The following UFSP2 variants were observed in gnomAD, a reference collection of about 807,000 sequenced individuals.
The protein encoded by UFSP2 is UFM1 specific peptidase 2.
UFSP2 carries 43 observed loss-of-function variants against 60.2 expected under a neutral mutation model. That is an observed-to-expected ratio of 0.71 (90% CI 0.56 to 0.92). The LOEUF (loss-of-function observed/expected upper bound fraction) is 0.92. Ranked by LOEUF, UFSP2 falls within the 40% of genes least tolerant of loss-of-function variation. The pLI, the probability that UFSP2 is intolerant of heterozygous loss-of-function variation, is 0.00. For missense variants in UFSP2, 520 were observed against 575.0 expected (o/e 0.90, Z 0.98); for synonymous variants, 183 against 195.1 (o/e 0.94, Z 0.52).
At chr4:185,405,682 T>A in intron 10 of UFSP2, 98 bp downstream of exon 10, 1 of 1,392,634 alleles carries the variant, frequency 7.2e-7, no homozygotes, top group South Asian at 1.3e-5. Flanking sequence ...TTTCAAAATT[T>A]TTTAAATGAC....
At chr4:185,422,348 T>A (rs1379661082) in intron 2 of UFSP2, 137 bp downstream of exon 2, 2 of 682,808 alleles carry the variant, frequency 2.9e-6, no homozygotes, top group African/African-American at 3.7e-5. Flanking sequence ...TAAGTGTAAG[T>A]CCCATTTAAT....
intron 1 of UFSP2, among the ~76,000 whole-genome samples, chr4:185,424,987 T>G (rs1163278189): frequency 1.3e-5 from 2 of 152,190 alleles, no homozygotes; most frequent in African/African-American, 4.8e-5. Context: ...AATAGCCCAT[T>G]CCAGGCAGGG....
intron 9 of UFSP2, 117 bp downstream of exon 9, chr4:185,407,815 TAAGG>T (rs1469298622): frequency 2.6e-5 from 29 of 1,115,822 alleles, no homozygotes; most frequent in South Asian, 2.0e-4. Context: ...CAATGAGTAA[TAAGG>T]AAGAAGGAAA....
chr4:185,405,940 T>C, intron 9 of UFSP2, 84 bp from the exon 10 acceptor site: 1 of 1,604,392 alleles, frequency 6.2e-7, no homozygotes. Flanking sequence ...TTTCCTACTT[T>C]CTTGTTTTTT....
In UFSP2 at chr4:185,399,743, T is replaced by C. The variant is rs202233404; in HGVS notation, c.*649A>G. The C allele has an allele frequency of 3.7e-6, 6 of 1,614,012 alleles. No individual in the cohort carries two copies. The African/African-American group carries it at 5.3e-5, about 14-fold the overall frequency. On this transcript the variant is annotated 3_prime_UTR_variant, in exon 12 of 12. Transcript: ENST00000264689. Reference sequence around the variant, plus strand: ...AGACAGAAACGGAGTCTCGGAAGTGTAGAAAATACCAGTGGGAAAAGGAAG... The same window carrying C: ...AGACAGAAACGGAGTCTCGGAAGTGCAGAAAATACCAGTGGGAAAAGGAAG...
rs962328630 is a variant in UFSP2 at position 185,425,944 on chromosome 4, C to T, written c.-76G>A. 6.5e-7 allele frequency: 1 copy of T among 1,536,634 alleles called. No individual in the cohort carries two copies. On this transcript the variant is annotated 5_prime_UTR_variant, in exon 1 of 12. Transcript: ENST00000264689. Reference sequence around the variant, plus strand: ...GGGGCCGGCCCTGAAGTGGTGTCACCGCACGGCCCAGGGGCGGGGCCCGGG... The same window carrying T: ...GGGGCCGGCCCTGAAGTGGTGTCACTGCACGGCCCAGGGGCGGGGCCCGGG...
Position 185,415,844 on chromosome 4 carries a change from A to T in UFSP2, c.357T>A (p.Leu119=), listed in dbSNP as rs1377172123. ...CCAGGGAGGTTGACATTTCCAGCATAAGATCTATATTTACTATTTGATGCT... is the reference window on the plus strand; with the variant it reads ...CCAGGGAGGTTGACATTTCCAGCATTAGATCTATATTTACTATTTGATGCT... The part of the protein sequence containing the change: ...SDMHQIVNID[L]MLEMSTSLAA... Residue 119 remains leucine (L), a synonymous_variant, in exon 5 of 12, where the codon CTT becomes CTA. Coordinates refer to ENST00000264689, the MANE Select transcript of UFSP2 (RefSeq NM_018359.5). The T allele has an allele frequency of 6.2e-7, 1 of 1,613,644 alleles. No homozygotes were observed. The highest frequency in any genetic ancestry group is 8.5e-7 in the Non-Finnish European group (1 of 1,179,628).
intron 11 of UFSP2, among the ~76,000 whole-genome samples, chr4:185,401,751 T>C (rs1033150649): frequency 1.3e-5 from 2 of 152,156 alleles, no homozygotes; most frequent in Non-Finnish European, 2.9e-5. Flanking sequence ...TCTATAGAAA[T>C]AGAACTAGCA....
Position 185,422,542 on chromosome 4 carries a change from T to C in UFSP2, c.25A>G (p.Ile9Val). Residue 9 changes from isoleucine to valine, a missense_variant, in exon 2 of 12, where the codon ATA (isoleucine) becomes GTA (valine). By Grantham distance (29) the Ile-to-Val change is conservative. Coordinates refer to ENST00000264689, the MANE Select transcript of UFSP2 (RefSeq NM_018359.5). MVISESMD[I>V]LFRIRGGLDL... Reference sequence around the variant, plus strand: ...AGGCCTCCTCTTATTCTGAAGAGTATATCCATACTTTCTGAAATCACCTAG... The same window carrying C: ...AGGCCTCCTCTTATTCTGAAGAGTACATCCATACTTTCTGAAATCACCTAG... The C allele has an allele frequency of 3.7e-6, 6 of 1,609,282 alleles. No individual in the cohort carries two copies. Among genetic ancestry groups the C allele is most frequent in the Non-Finnish European group, 5.1e-6 (6 of 1,178,580 alleles).
At chr4:185,418,310 T>C (rs1400964914) in intron 4 of UFSP2, 131 bp downstream of exon 4, 8 of 648,634 alleles carry the variant, frequency 1.2e-5, no homozygotes, top group Non-Finnish European at 2.0e-5. Flanking sequence ...TTTTGGCAAG[T>C]CATTTAATCT....
chr4:185,425,578 G>T (rs2095558252), intron 1 of UFSP2, among the ~76,000 whole-genome samples: 1 of 152,206 alleles, frequency 6.6e-6, no homozygotes, highest in South Asian at 2.1e-4. Context: ...AGCCCTTCTT[G>T]CAAGGCTTCA....
chr4:185,407,850 G>T, intron 9 of UFSP2, 86 bp downstream of exon 9: 1 of 1,381,882 alleles, frequency 7.2e-7, no homozygotes, highest in Non-Finnish European at 9.8e-7. Flanking sequence ...AGAAATAAGG[G>T]AAGATACCAT....
intron 2 of UFSP2, among the ~76,000 whole-genome samples, chr4:185,422,261 CTT>C (rs1390519546): frequency 6.6e-6 from 1 of 152,200 alleles, no homozygotes; most frequent in Non-Finnish European, 1.5e-5. Flanking sequence ...AGTAAAGTCT[CTT>C]AAGAAAGGGA....
Position 185,400,364 on chromosome 4 carries a change from C to T in UFSP2, c.*28G>A. ...TTATTCACAAATTTATAATACCACT[C>T]TACTGCAGTCTTTGACTCCAAGATA... On this transcript the variant is annotated 3_prime_UTR_variant, in exon 12 of 12. Coordinates refer to ENST00000264689, the MANE Select transcript of UFSP2 (RefSeq NM_018359.5). 6.7e-7 allele frequency: 1 copy of T among 1,497,568 alleles called. No homozygotes were observed. The highest frequency in any genetic ancestry group is 9.3e-7 in the Non-Finnish European group (1 of 1,077,362). 92.8% of individuals were successfully genotyped at this position (1,497,568 alleles called of 1,614,324 possible). A position where few individuals can be genotyped will look rare whatever the true frequency, so the allele number is the denominator to read the frequency against.
At chr4:185,414,151 A>G in intron 6 of UFSP2, among the ~76,000 whole-genome samples, 1 of 152,368 alleles carries the variant, frequency 6.6e-6, no homozygotes, top group South Asian at 2.1e-4. Context: ...TTAAATAATT[A>G]TTTATTACAA....
chr4:185,420,800 CAG>C (rs1278624297), intron 2 of UFSP2, among the ~76,000 whole-genome samples: 3 of 152,070 alleles, frequency 2.0e-5, no homozygotes, highest in East Asian at 1.9e-4. Context: ...TGAGTGTTGA[CAG>C]AGTTTGATAA....
intron 1 of UFSP2, among the ~76,000 whole-genome samples, chr4:185,422,976 A>G (rs563505967): frequency 7.6e-4 from 115 of 152,316 alleles, no homozygotes; most frequent in African/African-American, 2.6e-3. Context: ...CTCCTGCCTC[A>G]GCCTCCCATG....
intron 2 of UFSP2, among the ~76,000 whole-genome samples, chr4:185,421,653 G>A (rs963957514): frequency 2.0e-5 from 3 of 152,166 alleles, no homozygotes; most frequent in African/African-American, 7.2e-5. Flanking sequence ...CTGCAGAACT[G>A]TGAGCCAAAT....
chr4:185,414,262 A>G (rs2095534476), intron 6 of UFSP2, among the ~76,000 whole-genome samples: 1 of 152,222 alleles, frequency 6.6e-6, no homozygotes. Context: ...GTATTTTGCA[A>G]AATTGTGTCG....
Sources: allele counts gnomAD v4.1 joint callset (sites outside exome capture counted in the v4.1 genomes callset), GRCh38; gene constraint gnomAD v4.1.1; transcripts MANE v1.5; gene names NCBI Gene and HGNC (gene_info 2026-07-23, HGNC 2026-07-21).